SRL: variants seen among roughly 807,000 people sequenced by gnomAD.
The protein encoded by SRL is sarcalumenin.
SRL carries 23 observed loss-of-function variants against 39.5 expected under a neutral mutation model. The observed-to-expected ratio is 0.58, with a 90% CI of 0.42 to 0.82. SRL has a LOEUF of 0.82. Among genes scored for constraint, SRL ranks in the 40% least tolerant of loss-of-function variants. The pLI is 0.00. For missense variants in SRL, 592 were observed against 607.8 expected (o/e 0.97, Z 0.27); for synonymous variants, 272 against 237.4 (o/e 1.15, Z -1.34).
At position 4,241,930 on chromosome 16, in the gene SRL, A is replaced by C. The variant is rs911778936; in HGVS notation, c.61+77T>G. On this transcript the variant is annotated intron_variant, in intron 1 of 5. Transcript: ENST00000399609. ...TGCCATCAGCCCCGACCCCCTACCC[A>C]ACCCATGGTAGACAGAAAACCTTGG... 7 of 1,547,308 alleles carry C rather than the reference A, an allele frequency of 4.5e-6. No homozygotes were observed. In the African/African-American group the frequency reaches 9.5e-5, roughly 21 times the overall value.
intron 1 of SRL, among the ~76,000 whole-genome samples, chr16:4,211,220 A>G (rs144470646): frequency 6.6e-6 from 1 of 151,984 alleles, no homozygotes; most frequent in African/African-American, 2.4e-5. Flanking sequence ...CAACTACCAA[A>G]TCAAATAATC....
intron 1 of SRL, among the ~76,000 whole-genome samples, chr16:4,206,084 T>G (rs375534628): frequency 2.2e-4 from 33 of 152,312 alleles, no homozygotes; most frequent in African/African-American, 6.7e-4. Flanking sequence ...GATGCAGCCA[T>G]GAAGGTGCCT....
chr16:4,229,242 GACC>G (rs1409078166), intron 1 of SRL, among the ~76,000 whole-genome samples: 1 of 152,038 alleles, frequency 6.6e-6, no homozygotes, highest in Non-Finnish European at 1.5e-5. Flanking sequence ...AGGAGATCGA[GACC>G]ATCCTGGCTA....
intron 1 of SRL, among the ~76,000 whole-genome samples, chr16:4,210,139 C>G (rs1265901212): frequency 6.6e-6 from 1 of 152,238 alleles, no homozygotes; most frequent in Non-Finnish European, 1.5e-5. Flanking sequence ...AAACGAATTC[C>G]TGGTCCCTTA....
intron 1 of SRL, among the ~76,000 whole-genome samples, chr16:4,235,761 G>A (rs1052959621): frequency 6.6e-6 from 1 of 152,136 alleles, no homozygotes; most frequent in Non-Finnish European, 1.5e-5. Context: ...GAGTAACTCA[G>A]GCCACATATC....
intron 1 of SRL, among the ~76,000 whole-genome samples, chr16:4,208,353 C>G (rs1357630615): frequency 6.6e-6 from 1 of 152,196 alleles, no homozygotes; most frequent in Non-Finnish European, 1.5e-5. Context: ...TTGTCCATCA[C>G]TAACGAAGTG....
At chr16:4,225,293 T>A (rs2052575345) in intron 1 of SRL, among the ~76,000 whole-genome samples, 2 of 152,046 alleles carry the variant, frequency 1.3e-5, no homozygotes, top group South Asian at 4.1e-4. Flanking sequence ...TTTTCAAAAA[T>A]AATAAAGAGC....
intron 5 of SRL, 147 bp from the exon 6 acceptor site, chr16:4,193,111 T>C: frequency 3.0e-6 from 2 of 663,410 alleles, no homozygotes; most frequent in South Asian, 2.0e-5. Flanking sequence ...AAAAAATCAA[T>C]TGCATATCTC....
chr16:4,204,691 G>A, intron 1 of SRL, 57 bp from the exon 2 acceptor site: 1 of 1,522,534 alleles, frequency 6.6e-7, no homozygotes, highest in Non-Finnish European at 9.1e-7. Flanking sequence ...GCTGAGCTCT[G>A]GGCCCCGGCA....
At chr16:4,207,004 C>T (rs191254494) in intron 1 of SRL, 10 of 453,978 alleles carry the variant, frequency 2.2e-5, no homozygotes, top group Admixed American at 9.5e-5. Context: ...TGGGGCTCCT[C>T]GGCTTCCTGG....
At chr16:4,196,085 C>T (rs911192313) in intron 4 of SRL, among the ~76,000 whole-genome samples, 2 of 152,024 alleles carry the variant, frequency 1.3e-5, no homozygotes, top group Admixed American at 6.6e-5. Flanking sequence ...CTCAGCCTCC[C>T]GAGTAGCTGA....
chr16:4,223,783 A>T (rs1303886496), intron 1 of SRL, among the ~76,000 whole-genome samples: 1 of 152,078 alleles, frequency 6.6e-6, no homozygotes, highest in Non-Finnish European at 1.5e-5. Context: ...GAGCCAATCT[A>T]AGCCCATCTT....
chr16:4,234,328 C>T (rs2052692238), intron 1 of SRL, among the ~76,000 whole-genome samples: 1 of 152,146 alleles, frequency 6.6e-6, no homozygotes, highest in South Asian at 2.1e-4. Context: ...TGCTTTAATT[C>T]TGATTTAATT....
chr16:4,194,554 A>G (rs2052110868), intron 5 of SRL, among the ~76,000 whole-genome samples: 1 of 152,098 alleles, frequency 6.6e-6, no homozygotes, highest in Admixed American at 6.6e-5. Flanking sequence ...ACCAAACCCA[A>G]TTTAGCCAGA....
At chr16:4,215,532 C>G (rs1455148374) in intron 1 of SRL, among the ~76,000 whole-genome samples, 1 of 152,094 alleles carries the variant, frequency 6.6e-6, no homozygotes, top group Non-Finnish European at 1.5e-5. Flanking sequence ...AGTGCTTGTC[C>G]CAAGGCCATG....
chr16:4,222,713 C>T (rs1257933514), intron 1 of SRL, among the ~76,000 whole-genome samples: 1 of 152,230 alleles, frequency 6.6e-6, no homozygotes, highest in Non-Finnish European at 1.5e-5. Context: ...GAGCACCTGA[C>T]AGTAAGGAGC....
intron 1 of SRL, among the ~76,000 whole-genome samples, chr16:4,236,338 T>C (rs2052713953): frequency 6.6e-6 from 1 of 152,124 alleles, no homozygotes; most frequent in African/African-American, 2.4e-5. Flanking sequence ...TCGCCCTTCT[T>C]CTAGAAGACC....
intron 1 of SRL, among the ~76,000 whole-genome samples, chr16:4,238,788 AT>A (rs111353427): frequency 0.063 from 8,807 of 140,262 alleles, 687 homozygotes; most frequent in African/African-American, 0.2. Flanking sequence ...ACACCGAGCT[AT>A]TTTTTTTTTT....
chr16:4,240,957 A>C (rs1326992077), intron 1 of SRL, among the ~76,000 whole-genome samples: 1 of 152,138 alleles, frequency 6.6e-6, no homozygotes, highest in Non-Finnish European at 1.5e-5. Flanking sequence ...CCCCCACCTT[A>C]CATCTTGAGT....
Sources: gnomAD v4.1 joint callset for allele counts (sites outside exome capture counted in the v4.1 genomes callset) on GRCh38, gnomAD v4.1.1 for gene constraint, MANE v1.5 for transcripts, NCBI Gene and HGNC (gene_info 2026-07-23, HGNC 2026-07-21) for gene names.